The following CCDC178 variants were observed in gnomAD, a reference collection of about 807,000 sequenced individuals.
The protein encoded by CCDC178 is coiled-coil domain-containing protein 178.
In CCDC178, 126 loss-of-function variants were observed where a neutral mutation model predicts 117.4. The observed-to-expected ratio is 1.07, with a 90% CI of 0.93 to 1.24. The LOEUF is 1.24. Among genes scored for constraint, CCDC178 ranks in the 50% most tolerant of loss-of-function variants. CCDC178 has a pLI of 0.00. For missense variants in CCDC178, 1,030 were observed against 986.9 expected, an observed-to-expected ratio of 1.04 and a Z score of -0.59; for synonymous variants, 283 against 313.4, an observed-to-expected ratio of 0.90 and a Z score of 1.02.
rs149489882 is a variant in CCDC178 at position 33,315,980 on chromosome 18, G to C, written c.1022+7511C>G. ...CCCATATATACAAGCATTGTACCTA[G>C]AGTGGACACGTTCCTCCTCTTACTT... is the stretch of plus-strand genomic sequence containing the variant. On this transcript the variant is annotated intron_variant, in intron 11 of 22. Coordinates refer to ENST00000383096, the MANE Select transcript of CCDC178 (RefSeq NM_001105528.4). Among the ~76,000 whole-genome samples the C allele has an allele frequency of 2.9e-3, 438 of 152,328 alleles. 1 individual carries two copies. The highest frequency in any genetic ancestry group is 0.01 in the African/African-American group (425 of 41,588).
intron 15 of CCDC178, among the ~76,000 whole-genome samples, chr18:33,238,190 G>A (rs1416017360): frequency 6.6e-6 from 1 of 152,096 alleles, no homozygotes; most frequent in Non-Finnish European, 1.5e-5. Context: ...AATCGGAAGA[G>A]CCAACTGTCC....
intron 9 of CCDC178, among the ~76,000 whole-genome samples, chr18:33,343,004 C>A (rs1000581520): frequency 1.3e-5 from 2 of 152,128 alleles, no homozygotes; most frequent in African/African-American, 4.8e-5. Context: ...TGTCTCACCC[C>A]CTGGGGTGAT....
rs570801261 is a variant in CCDC178, at chr18:33,071,679, C to T, written c.2388+21082G>A. Among the ~76,000 whole-genome samples the T allele has an allele frequency of 2.0e-5, 3 of 152,168 alleles. No individual in the cohort carries two copies. In the East Asian group the frequency reaches 5.8e-4, roughly 29 times the overall value. On this transcript the variant is annotated intron_variant, in intron 21 of 22. Coordinates refer to ENST00000383096, the MANE Select transcript of CCDC178 (RefSeq NM_001105528.4). ...CATTGGGAAACTTGAGGAAATATGA[C>T]CTTAGCCACATTATATTTAGGTGGA...
At chr18:33,238,429 T>G (rs10221398) in intron 15 of CCDC178, among the ~76,000 whole-genome samples, 125,925 of 151,680 alleles carry the variant, frequency 0.83, 53,073 homozygotes, top group South Asian at 0.93. Context: ...ATTTGAATGA[T>G]AAATACAACA....
chr18:33,254,524 GA>G (rs1174814214), intron 14 of CCDC178, among the ~76,000 whole-genome samples: 7 of 151,902 alleles, frequency 4.6e-5, no homozygotes, highest in Non-Finnish European at 1.0e-4. Flanking sequence ...TCTCATGAAG[GA>G]AACAGGAAAC....
chr18:33,254,945 C>T (rs1291249722), intron 14 of CCDC178, among the ~76,000 whole-genome samples: 1 of 152,030 alleles, frequency 6.6e-6, no homozygotes, highest in Non-Finnish European at 1.5e-5. Flanking sequence ...AGGGTGGGGT[C>T]TAGCAGGAAG....
intron 21 of CCDC178, among the ~76,000 whole-genome samples, chr18:33,021,590 G>A (rs935447992): frequency 5.3e-5 from 8 of 152,056 alleles, no homozygotes; most frequent in African/African-American, 1.9e-4. Flanking sequence ...TTGACTATTG[G>A]TCTGTGACAA....
intron 21 of CCDC178, among the ~76,000 whole-genome samples, chr18:33,008,578 C>A (rs1157247560): frequency 2.0e-5 from 3 of 152,062 alleles, no homozygotes; most frequent in Non-Finnish European, 2.9e-5. Context: ...CTCATGCCCA[C>A]ATTTTGCTCT....
chr18:33,124,955 G>A (rs2057985386), intron 20 of CCDC178, among the ~76,000 whole-genome samples: 2 of 152,186 alleles, frequency 1.3e-5, no homozygotes, highest in African/African-American at 2.4e-5. Flanking sequence ...CATGGTCCCT[G>A]TGGTCCCCTT....
At chr18:33,280,629 T>C (rs2060012029) in intron 12 of CCDC178, among the ~76,000 whole-genome samples, 1 of 151,984 alleles carries the variant, frequency 6.6e-6, no homozygotes, top group Non-Finnish European at 1.5e-5. Flanking sequence ...CTATAAATCA[T>C]GCTGCTATAA....
intron 20 of CCDC178, among the ~76,000 whole-genome samples, chr18:33,203,099 C>T (rs543977920): frequency 6.6e-6 from 1 of 152,114 alleles, no homozygotes; most frequent in Non-Finnish European, 1.5e-5. Flanking sequence ...ATAATTTCCT[C>T]TTTTCCTATA....
At chr18:33,101,857 A>G (rs1372988961) in intron 20 of CCDC178, among the ~76,000 whole-genome samples, 1 of 152,002 alleles carries the variant, frequency 6.6e-6, no homozygotes, top group Non-Finnish European at 1.5e-5. Context: ...GCAAGTTGCC[A>G]CTGATGTAGT....
intron 15 of CCDC178, among the ~76,000 whole-genome samples, chr18:33,228,048 G>A (rs1024284025): frequency 2.0e-5 from 3 of 152,070 alleles, no homozygotes; most frequent in African/African-American, 4.8e-5. Flanking sequence ...AAAATAGCTC[G>A]ATTTGACCTT....
intron 20 of CCDC178, among the ~76,000 whole-genome samples, chr18:33,136,439 C>T (rs973757564): frequency 6.6e-6 from 1 of 152,106 alleles, no homozygotes; most frequent in Non-Finnish European, 1.5e-5. Context: ...ATGAATCAGA[C>T]TTCTAATTTC....
chr18:33,366,166 T>C (rs1181814239), intron 6 of CCDC178, among the ~76,000 whole-genome samples: 3 of 152,030 alleles, frequency 2.0e-5, no homozygotes, highest in African/African-American at 4.8e-5. Flanking sequence ...TAATTACTTA[T>C]AGAATTTTAT....
intron 12 of CCDC178, among the ~76,000 whole-genome samples, chr18:33,274,015 A>T (rs1475458461): frequency 2.6e-5 from 4 of 151,812 alleles, no homozygotes; most frequent in Non-Finnish European, 5.9e-5. Flanking sequence ...TAATATCTGG[A>T]CTACAGAAAG....
At chr18:33,260,069 T>A (rs1019582422) in intron 14 of CCDC178, among the ~76,000 whole-genome samples, 1 of 151,890 alleles carries the variant, frequency 6.6e-6, no homozygotes, top group Admixed American at 6.6e-5. Flanking sequence ...ATATATATAT[T>A]ACACATGGCC....
rs1410560825 is a variant in CCDC178 at position 33,272,814 on chromosome 18, A to G, written c.1177-5517T>C. Among the ~76,000 whole-genome samples the G allele has an allele frequency of 2.0e-5, 3 of 151,532 alleles. No homozygotes were observed. The East Asian group carries it at 5.8e-4, about 29-fold the overall frequency. On this transcript the variant is annotated intron_variant, in intron 12 of 22. Transcript: ENST00000383096. The stretch of plus-strand genomic sequence containing the variant: ...CAAAGCCATTTCCATTATTTCAATG[A>G]ATGTAGAAAAATCATTTGAAATATT...
At chr18:33,176,867 G>A (rs927793338) in intron 20 of CCDC178, among the ~76,000 whole-genome samples, 1 of 152,042 alleles carries the variant, frequency 6.6e-6, no homozygotes, top group Non-Finnish European at 1.5e-5. Flanking sequence ...ACACATTCAA[G>A]GTCTATAAGT....
Sources: gnomAD v4.1 joint callset for allele counts (sites outside exome capture counted in the v4.1 genomes callset) on GRCh38, gnomAD v4.1.1 for gene constraint, MANE v1.5 for transcripts, NCBI Gene and HGNC (gene_info 2026-07-23, HGNC 2026-07-21) for gene names.